Variants in DLG2 observed in about 807,000 individuals in gnomAD.
DLG2 encodes the protein discs large MAGUK scaffold protein 2.
DLG2 carries 45 observed loss-of-function variants against 132.5 expected under a neutral mutation model. The observed-to-expected ratio is 0.34, with a 90% confidence interval of 0.27 to 0.44. The LOEUF (loss-of-function observed/expected upper bound fraction) is 0.44. Among genes scored for constraint, DLG2 ranks in the 20% least tolerant of loss-of-function variants. DLG2 has a pLI of 1.00. For synonymous variants in DLG2, 424 were observed against 419.6 expected (o/e 1.01, Z -0.13); for missense variants, 1,045 against 1,196.9 (o/e 0.87, Z 1.87).
intron 20 of DLG2, among the ~76,000 whole-genome samples, chr11:83,538,604 T>C (rs1244347297): frequency 6.6e-6 from 1 of 152,232 alleles, no homozygotes; most frequent in Non-Finnish European, 1.5e-5. Context: ...TTGGGTAAGT[T>C]ACTCGACTTC....
intron 6 of DLG2, among the ~76,000 whole-genome samples, chr11:84,628,119 T>C (rs1388445720): frequency 1.3e-5 from 2 of 151,900 alleles, no homozygotes; most frequent in Non-Finnish European, 2.9e-5. Flanking sequence ...TATATATATA[T>C]ATATACACAC....
At chr11:84,547,423 C>T (rs781000424) in intron 6 of DLG2, among the ~76,000 whole-genome samples, 16 of 152,110 alleles carry the variant, frequency 1.1e-4, no homozygotes, top group Non-Finnish European at 1.9e-4. Context: ...TGCTTGAAAA[C>T]CTTCTCTTTG....
intron 21 of DLG2, among the ~76,000 whole-genome samples, chr11:83,516,793 T>G (rs1157156153): frequency 6.6e-6 from 1 of 152,232 alleles, no homozygotes; most frequent in African/African-American, 2.4e-5. Flanking sequence ...AAGCTTAGTT[T>G]GGCTGGATAT....
intron 21 of DLG2, among the ~76,000 whole-genome samples, chr11:83,509,697 A>C (rs529133636): frequency 5.3e-5 from 8 of 152,112 alleles, no homozygotes; most frequent in African/African-American, 1.7e-4. Flanking sequence ...GTTATAGACA[A>C]AGAACATCCA....
intron 7 of DLG2, among the ~76,000 whole-genome samples, chr11:84,315,960 C>T (rs1406560971): frequency 3.3e-5 from 5 of 152,030 alleles, no homozygotes; most frequent in Non-Finnish European, 5.9e-5. Context: ...TTCTTCAATA[C>T]ATATTAAACA....
chr11:85,199,208 C>T (rs1426022752), intron 4 of DLG2, among the ~76,000 whole-genome samples: 1 of 152,080 alleles, frequency 6.6e-6, no homozygotes, highest in Non-Finnish European at 1.5e-5. Context: ...TAATACTACT[C>T]AGCAATAAAA....
intron 6 of DLG2, among the ~76,000 whole-genome samples, chr11:84,895,392 A>T (rs1394166286): frequency 5.9e-5 from 9 of 152,146 alleles, no homozygotes; most frequent in South Asian, 2.1e-4. Context: ...ATTATTTTTT[A>T]AAAAAGACCA....
intron 18 of DLG2, among the ~76,000 whole-genome samples, chr11:83,671,125 T>G (rs1480823707): frequency 6.6e-6 from 1 of 152,230 alleles, no homozygotes; most frequent in Non-Finnish European, 1.5e-5. Context: ...CTATGACAAC[T>G]AAATGGGTTT....
chr11:85,512,124 C>T (rs1350552141), intron 3 of DLG2, among the ~76,000 whole-genome samples: 1 of 151,892 alleles, frequency 6.6e-6, no homozygotes, highest in Non-Finnish European at 1.5e-5. Context: ...TGTCCATTGC[C>T]AAAGAACAGG....
At chr11:84,568,610 T>A (rs1459020406) in intron 6 of DLG2, among the ~76,000 whole-genome samples, 1 of 152,216 alleles carries the variant, frequency 6.6e-6, no homozygotes, top group Non-Finnish European at 1.5e-5. Flanking sequence ...ACTAGCCATC[T>A]AGATGGCTAG....
chr11:85,025,727 T>G (rs1244670228), intron 6 of DLG2, among the ~76,000 whole-genome samples: 1 of 152,164 alleles, frequency 6.6e-6, no homozygotes, highest in Non-Finnish European at 1.5e-5. Flanking sequence ...ATAAGAAGGT[T>G]TTGTCTATTC....
chr11:84,278,049 T>C (rs924204830), intron 7 of DLG2, among the ~76,000 whole-genome samples: 1 of 142,494 alleles, frequency 7.0e-6, no homozygotes, highest in Non-Finnish European at 1.5e-5. Context: ...CTGGCTAAGT[T>C]TTTTTTTTTT....
At chr11:84,890,503 CGGA>C (rs112337866) in intron 6 of DLG2, among the ~76,000 whole-genome samples, 19 of 152,242 alleles carry the variant, frequency 1.2e-4, no homozygotes, top group African/African-American at 4.3e-4. Context: ...GTTCTCTCCC[CGGA>C]GGAGAAGAAA....
chr11:85,026,897 T>G (rs2060571214), intron 6 of DLG2, among the ~76,000 whole-genome samples: 1 of 152,058 alleles, frequency 6.6e-6, no homozygotes, highest in Non-Finnish European at 1.5e-5. Flanking sequence ...TCTTACAATT[T>G]CACTCTTACA....
In DLG2 at chr11:84,697,752, T is replaced by C. The variant is rs868460350; in HGVS notation, c.358-163021A>G. 8.6e-5 allele frequency among the ~76,000 whole-genome samples: 13 copies of C among 151,488 alleles called. 1 individual carries two copies. The highest frequency in any genetic ancestry group is 7.3e-4 in the Admixed American group (11 of 15,162). On this transcript the variant is annotated intron_variant, in intron 6 of 27. Coordinates refer to ENST00000376104, the MANE Select transcript of DLG2 (RefSeq NM_001142699.3). ...AAGAGTGAATATTCAAGCACAATCA[T>C]TGGCTCAAAAATGTACGTCATTGAC...
chr11:84,630,434 A>T (rs1336196269), intron 6 of DLG2, among the ~76,000 whole-genome samples: 1 of 152,188 alleles, frequency 6.6e-6, no homozygotes, highest in African/African-American at 2.4e-5. Flanking sequence ...CTGTGCTCTT[A>T]ACTGCAAGTC....
intron 7 of DLG2, among the ~76,000 whole-genome samples, chr11:84,511,814 G>C (rs547923600): frequency 1.3e-5 from 2 of 152,236 alleles, no homozygotes; most frequent in African/African-American, 4.8e-5. Context: ...CTGGTTCTCA[G>C]GGCCCTGCTT....
chr11:85,028,341 G>A (rs2060713446), intron 6 of DLG2, among the ~76,000 whole-genome samples: 1 of 152,178 alleles, frequency 6.6e-6, no homozygotes, highest in African/African-American at 2.4e-5. Context: ...AGTTCTCACT[G>A]TAAGCCACGG....
intron 6 of DLG2, among the ~76,000 whole-genome samples, chr11:84,956,767 G>C (rs1428825032): frequency 2.6e-5 from 4 of 152,160 alleles, no homozygotes; most frequent in African/African-American, 9.7e-5. Context: ...ATGAGGGTTA[G>C]ATAGGTTATG....
Sources: allele counts gnomAD v4.1 joint callset (sites outside exome capture counted in the v4.1 genomes callset), GRCh38; gene constraint gnomAD v4.1.1; transcripts MANE v1.5; gene names NCBI Gene and HGNC (gene_info 2026-07-23, HGNC 2026-07-21).